The following TOB2 variants were observed in gnomAD, a reference collection of about 807,000 sequenced individuals.
The protein encoded by TOB2 is transducer of ERBB2, 2.
A neutral mutation model predicts 17.3 loss-of-function variants in TOB2; 3 were observed. That is an observed-to-expected ratio of 0.17 (90% CI 0.08 to 0.45). The LOEUF (loss-of-function observed/expected upper bound fraction) is 0.45, where lower values mean the gene tolerates loss of function less well. Ranked by LOEUF, TOB2 falls within the 20% of genes least tolerant of loss-of-function variation. TOB2 has a pLI of 0.99. For missense variants in TOB2, 407 were observed against 445.7 expected, an observed-to-expected ratio of 0.91 and a Z score of 0.78; for synonymous variants, 163 against 185.6, an observed-to-expected ratio of 0.88 and a Z score of 0.99.
intron 1 of TOB2, among the ~76,000 whole-genome samples, chr22:41,443,427 C>T (rs1249468031): frequency 6.6e-6 from 1 of 151,962 alleles, no homozygotes; most frequent in Non-Finnish European, 1.5e-5. Flanking sequence ...TCAACCAATT[C>T]TCCCGCCTCA....
At position 41,436,219 on chromosome 22, in the gene TOB2, T is replaced by G; in HGVS notation, c.*92A>C. The G allele has an allele frequency of 7.0e-7, 1 of 1,429,278 alleles. No homozygotes were observed. The highest frequency in any genetic ancestry group is 9.2e-7 in the Non-Finnish European group (1 of 1,086,026). The allele number at this position is 1,429,278 out of a possible 1,614,324, so 88.5% of individuals were successfully genotyped here. A position where few individuals can be genotyped will look rare whatever the true frequency, so the allele number is the denominator to read the frequency against. On this transcript the variant is annotated 3_prime_UTR_variant, in exon 2 of 2. Transcript: ENST00000327492. The surrounding 1 kb of genome is among the most constrained non-coding windows in gnomAD (Gnocchi z 4.8). ...GTAAGAGTGAGAAGATCGAAAATCT[T>G]TTTGTACATTTTTCTTTTCCTCTTT...
intron 1 of TOB2, among the ~76,000 whole-genome samples, chr22:41,439,502 T>C (rs141908387): frequency 6.6e-6 from 1 of 150,920 alleles, no homozygotes; most frequent in Non-Finnish European, 1.5e-5. Flanking sequence ...TATGTATGTA[T>C]GTATGTATGT....
rs146030542 is a variant in TOB2 at position 41,436,748 on chromosome 22, C to A, written c.598G>T (p.Gly200Cys). Reference sequence around the variant, plus strand: ...GCCCCACTGCTGGCTACACCCCCACCACTTGCTGCCCCGCCCCCCTTCTTC... The same window carrying A: ...GCCCCACTGCTGGCTACACCCCCACAACTTGCTGCCCCGCCCCCCTTCTTC... Reference protein sequence around the residue: ...KMKKGGGAASGGGVASSGAGG... With the variant: ...KMKKGGGAASCGGVASSGAGG... The change falls in exon 2 of 2, where the codon GGT becomes TGT. Residue 200 changes from glycine (G) to cysteine (C), a missense_variant. By Grantham distance (159) the Gly-to-Cys change is radical. Transcript: ENST00000327492. This position sits in a 1 kb window ranked among gnomAD's most constrained non-coding sequence, Gnocchi z 4.8. The A allele has an allele frequency of 5.6e-6, 9 of 1,613,660 alleles. No individual in the cohort carries two copies. Among genetic ancestry groups the A allele is most frequent in the Non-Finnish European group, 6.8e-6 (8 of 1,179,872 alleles).
chr22:41,436,935 G>T lies in TOB2; in HGVS notation c.411C>A (p.Ala137=). Residue 137 remains alanine (A), a synonymous_variant, in exon 2 of 2, where the codon GCC becomes GCA. Transcript: ENST00000327492. The surrounding 1 kb of genome is among the most constrained non-coding windows in gnomAD (Gnocchi z 4.8). ...KEIKSSFNPD[A]QVFVPIGSQD... ...GGCTGCCAATGGGCACGAACACCTG[G>T]GCGTCAGGGTTGAAGCTGCTCTTGA... 6.2e-7 allele frequency: 1 copy of T among 1,614,180 alleles called. No homozygotes were observed. The highest frequency in any genetic ancestry group is 8.5e-7 in the Non-Finnish European group (1 of 1,180,042).
At chr22:41,444,594 G>A (rs1755842601) in intron 1 of TOB2, among the ~76,000 whole-genome samples, 1 of 152,262 alleles carries the variant, frequency 6.6e-6, no homozygotes, top group South Asian at 2.1e-4. Flanking sequence ...TGCCCGGTAA[G>A]GGGAGCCGAC....
Position 41,433,597 on chromosome 22 carries a change from A to G in TOB2, c.*2714T>C, listed in dbSNP as rs922459668. 4.2e-5 allele frequency: 9 copies of G among 215,750 alleles called. No homozygotes were observed. The Admixed American group carries it at 4.2e-4, about 10-fold the overall frequency. The allele number at this position is 215,750 out of a possible 1,614,324, so 13.4% of individuals were successfully genotyped here. ...GTTTTGTTTTTAAACTAAAATCTCT[A>G]AACACACCAATGTCCCATTCCAAAA... On this transcript the variant is annotated 3_prime_UTR_variant, in exon 2 of 2. Transcript: ENST00000327492.
chr22:41,445,668 G>A (rs1407361411), intron 1 of TOB2, among the ~76,000 whole-genome samples: 1 of 152,232 alleles, frequency 6.6e-6, no homozygotes, highest in African/African-American at 2.4e-5. Context: ...CTCCGGACAG[G>A]AGGGGAAGGA....
chr22:41,439,248 C>T lies in TOB2; in HGVS notation c.-62-1841G>A, dbSNP rs150603759. ...CTCTGGGCAAGGCTGTGCTGCTGAG[C>T]TAAGCAAAGAGACATGACTGCTCCA... On this transcript the variant is annotated intron_variant, in intron 1 of 1. Transcript: ENST00000327492. Among the ~76,000 whole-genome samples, 43 of 152,308 alleles carry T rather than the reference C, an allele frequency of 2.8e-4. 1 individual carries two copies. The highest frequency in any genetic ancestry group is 2.2e-3 in the Admixed American group (34 of 15,290).
Position 41,436,239 on chromosome 22 carries a change from CTCTT to C in TOB2, c.*68_*71del, listed in dbSNP as rs1318011575. ...AATCTTTTTGTACATTTTTCTTTTC[CTCTT>C]TTTTTTGGCCTTTCCTTTCTCTTTT... On this transcript the variant is annotated 3_prime_UTR_variant, in exon 2 of 2. Coordinates refer to ENST00000327492, the MANE Select transcript of TOB2 (RefSeq NM_016272.4). The surrounding 1 kb of genome is among the most constrained non-coding windows in gnomAD (Gnocchi z 4.8). The C allele has an allele frequency of 1.4e-6, 2 of 1,473,234 alleles. No individual in the cohort carries two copies. The highest frequency in any genetic ancestry group is 1.4e-5 in the African/African-American group (1 of 71,100). 91.3% of individuals were successfully genotyped at this position (1,473,234 alleles called of 1,614,324 possible).
At chr22:41,437,734 G>C (rs2037570137) in intron 1 of TOB2, among the ~76,000 whole-genome samples, 1 of 151,630 alleles carries the variant, frequency 6.6e-6, no homozygotes, top group Admixed American at 6.6e-5. Context: ...GGTAGATCAC[G>C]AGGTCAAGAA....
In TOB2 at chr22:41,437,391, T is replaced by C; in HGVS notation, c.-46A>G. The stretch of plus-strand genomic sequence containing the variant: ...ATCAGCACAGGGCACGTGTACAGCC[T>C]TGGGCTCCAGGCGGCTCTGGGAAAT... On this transcript the variant is annotated 5_prime_UTR_variant, in exon 2 of 2. Coordinates refer to ENST00000327492, the MANE Select transcript of TOB2 (RefSeq NM_016272.4). 1 of 1,551,204 alleles carries C rather than the reference T, an allele frequency of 6.4e-7. No homozygotes were observed. The highest frequency in any genetic ancestry group is 8.7e-7 in the Non-Finnish European group (1 of 1,152,082).
rs184785772 is a variant in TOB2 at position 41,441,856 on chromosome 22, A to G, written c.-62-4449T>C. On this transcript the variant is annotated intron_variant, in intron 1 of 1. Transcript: ENST00000327492. ...AACCCAGGAGGCGGAGGTTGCAGTG[A>G]GCCAAGATTGCGCCACTGCACTCCA... Among the ~76,000 whole-genome samples the G allele has an allele frequency of 4.4e-3, 665 of 151,834 alleles. 6 individuals are homozygous for G. Among genetic ancestry groups the G allele is most frequent in the African/African-American group, 0.015 (628 of 41,418 alleles).
At position 41,437,400 on chromosome 22, in the gene TOB2, A is replaced by T. The variant is rs2037567071; in HGVS notation, c.-55T>A. The T allele has an allele frequency of 4.6e-6, 7 of 1,537,968 alleles. No individual in the cohort carries two copies. Among genetic ancestry groups the T allele is most frequent in the Non-Finnish European group, 6.1e-6 (7 of 1,146,036 alleles). On this transcript the variant is annotated 5_prime_UTR_variant, in exon 2 of 2. Transcript: ENST00000327492. ...GGGCACGTGTACAGCCTTGGGCTCC[A>T]GGCGGCTCTGGGAAATGAGAGGCAC...
rs1165798429 is a variant in TOB2, at chr22:41,436,688, C to T, written c.658G>A (p.Ala220Thr). The change falls in exon 2 of 2, where the codon GCC (alanine) becomes ACC (threonine). Residue 220 changes from alanine (A) to threonine (T), a missense_variant. Physicochemically the swap from Ala to Thr is moderately conservative, Grantham distance 58 (BLOSUM62 0). Coordinates refer to ENST00000327492, the MANE Select transcript of TOB2 (RefSeq NM_016272.4). The surrounding 1 kb of genome is among the most constrained non-coding windows in gnomAD (Gnocchi z 4.8). ...AGCAGGCTGTTGGTGGGTGAGCGGG[C>T]CATGCGAGGCTGCTGTGGTGGCTGC... is the stretch of plus-strand genomic sequence containing the variant. ...GQQPPQQPRM[A>T]RSPTNSLLKH... is the part of the protein sequence containing the mutation. 1 of 1,613,696 alleles carries T rather than the reference C, an allele frequency of 6.2e-7. No homozygotes were observed. Among genetic ancestry groups the T allele is most frequent in the South Asian group, 1.1e-5 (1 of 91,046 alleles).
rs772460118 is a variant in TOB2 at position 41,437,381 on chromosome 22, G to A, written c.-36C>T. Reference sequence around the variant, plus strand: ...TAGGCAGAGAATCAGCACAGGGCACGTGTACAGCCTTGGGCTCCAGGCGGC... The same window carrying A: ...TAGGCAGAGAATCAGCACAGGGCACATGTACAGCCTTGGGCTCCAGGCGGC... On this transcript the variant is annotated 5_prime_UTR_variant, in exon 2 of 2. It adds an upstream start codon to the 5' untranslated region. Transcript: ENST00000327492. 23 of 1,582,604 alleles carry A rather than the reference G, an allele frequency of 1.5e-5. No homozygotes were observed. Among genetic ancestry groups the A allele is most frequent in the South Asian group, 5.8e-5 (5 of 86,446 alleles).
intron 1 of TOB2, among the ~76,000 whole-genome samples, chr22:41,438,097 A>G (rs1392656735): frequency 6.6e-6 from 1 of 152,174 alleles, no homozygotes; most frequent in East Asian, 1.9e-4. Context: ...GTGAAGAAGA[A>G]GTCTCTTGCT....
chr22:41,434,017 A>G lies in TOB2; in HGVS notation c.*2294T>C, dbSNP rs1442650618. 1.3e-5 allele frequency: 3 copies of G among 225,012 alleles called. No homozygotes were observed. The highest frequency in any genetic ancestry group is 4.5e-5 in the African/African-American group (2 of 44,188). The allele number at this position is 225,012 out of a possible 1,614,324, so 13.9% of individuals were successfully genotyped here. A position where few individuals can be genotyped will look rare whatever the true frequency, so the allele number is the denominator to read the frequency against. On this transcript the variant is annotated 3_prime_UTR_variant, in exon 2 of 2. Coordinates refer to ENST00000327492, the MANE Select transcript of TOB2 (RefSeq NM_016272.4). ...TGTTTTTTACGTTAGAAATATACAT[A>G]TATTATATACCTCTTACATTTTACA...
chr22:41,446,126 G>C (rs1244009006), intron 1 of TOB2, among the ~76,000 whole-genome samples: 1 of 152,158 alleles, frequency 6.6e-6, no homozygotes, highest in African/African-American at 2.4e-5. Context: ...CCCAGGAGAG[G>C]GCCACTCTTG....
chr22:41,444,891 C>A (rs1366269762), intron 1 of TOB2, among the ~76,000 whole-genome samples: 1 of 152,196 alleles, frequency 6.6e-6, no homozygotes, highest in Non-Finnish European at 1.5e-5. Flanking sequence ...CTTCCCCCCA[C>A]CCAATCTGAA....
Sources: gnomAD v4.1 joint callset for allele counts (sites outside exome capture counted in the v4.1 genomes callset) on GRCh38, gnomAD v4.1.1 for gene constraint, Gnocchi (gnomAD v3.1) non-coding constraint, MANE v1.5 for transcripts, NCBI Gene and HGNC (gene_info 2026-07-23, HGNC 2026-07-21) for gene names.